The following TESK2 variants were observed in gnomAD, a reference collection of about 807,000 sequenced individuals.
The protein encoded by TESK2 is testis associated actin remodelling kinase 2.
Under a neutral mutation model 57.1 loss-of-function variants are expected in TESK2, and 39 were observed. The observed-to-expected ratio is 0.68, with a 90% CI of 0.53 to 0.89. TESK2 has a LOEUF of 0.89. Among genes scored for constraint, TESK2 ranks in the 40% least tolerant of loss-of-function variants. The pLI is 0.00. For synonymous variants in TESK2, 249 were observed against 267.9 expected (o/e 0.93, Z 0.69); for missense variants, 646 against 732.1 (o/e 0.88, Z 1.36).
intron 9 of TESK2, 77 bp downstream of exon 9, chr1:45,346,615 GC>G: frequency 8.1e-7 from 1 of 1,233,576 alleles, no homozygotes; most frequent in Non-Finnish European, 1.2e-6. Context: ...CTAATTAGCA[GC>G]CTCTCTGTAC....
intron 2 of TESK2, among the ~76,000 whole-genome samples, chr1:45,434,872 T>G (rs906514134): frequency 2.6e-5 from 4 of 152,216 alleles, no homozygotes; most frequent in African/African-American, 9.6e-5. Context: ...CGATTTTTGG[T>G]TTTGCTGCCT....
chr1:45,486,129 G>C (rs1162690709), intron 1 of TESK2, among the ~76,000 whole-genome samples: 1 of 152,136 alleles, frequency 6.6e-6, no homozygotes, highest in East Asian at 1.9e-4. Context: ...ACACTAGTGA[G>C]ACTACACTGA....
intron 1 of TESK2, among the ~76,000 whole-genome samples, chr1:45,474,867 C>A (rs1462904226): frequency 6.7e-6 from 1 of 150,232 alleles, no homozygotes; most frequent in Non-Finnish European, 1.5e-5. Context: ...TATGAAATAA[C>A]ACAAAACTAA....
intron 2 of TESK2, among the ~76,000 whole-genome samples, chr1:45,451,619 T>C (rs146680146): frequency 1.5e-4 from 23 of 152,288 alleles, no homozygotes; most frequent in African/African-American, 5.1e-4. Context: ...ACTGTGGAAA[T>C]TGTTCACATG....
rs377531824 is a variant in TESK2 at position 45,457,602 on chromosome 1, C to T, written c.184G>A (p.Glu62Lys). The change falls in exon 2 of 11, where the codon GAA (glutamate) becomes AAA (lysine). Residue 62 changes from glutamate to lysine, a missense_variant. Physicochemically the swap from Glu to Lys is moderately conservative, Grantham distance 56. Coordinates refer to ENST00000372086, the MANE Select transcript of TESK2 (RefSeq NM_007170.3). ...RLTRLDDFTC[E>K]KIGSGFFSEV... is the part of the protein sequence containing the mutation. ...GAAAAGAAGCCAGACCCTATTTTTT[C>T]ACAGGTGAAATCATCCAAACGCGTC... is the stretch of plus-strand genomic sequence containing the variant. 4.6e-5 allele frequency: 75 copies of T among 1,613,910 alleles called. No homozygotes were observed. The highest frequency in any genetic ancestry group is 6.0e-5 in the Non-Finnish European group (71 of 1,179,992).
At chr1:45,466,843 T>C (rs1046009752) in intron 1 of TESK2, among the ~76,000 whole-genome samples, 3 of 151,654 alleles carry the variant, frequency 2.0e-5, no homozygotes, top group Non-Finnish European at 4.4e-5. Flanking sequence ...AAAATGAAAA[T>C]AAAAACAGTG....
chr1:45,374,502 T>C (rs1247628767), intron 4 of TESK2, among the ~76,000 whole-genome samples: 2 of 151,918 alleles, frequency 1.3e-5, no homozygotes, highest in Admixed American at 6.6e-5. Flanking sequence ...TTAAATAATA[T>C]ATTGAGAGGG....
At position 45,458,318 on chromosome 1, in the gene TESK2, A is replaced by G. The variant is rs1182943459; in HGVS notation, c.-86-447T>C. ...AGTGGCTCACGCCTGTAATCCCAGC[A>G]CTTTGGGAGGCCAAGGCAGGCGGAT... On this transcript the variant is annotated intron_variant, in intron 1 of 10. Transcript: ENST00000372086. Among the ~76,000 whole-genome samples the G allele has an allele frequency of 2.0e-5, 3 of 152,240 alleles. No homozygotes were observed. The East Asian group carries it at 5.8e-4, about 29-fold the overall frequency.
At chr1:45,423,559 G>A (rs1450676960) in intron 2 of TESK2, among the ~76,000 whole-genome samples, 2 of 125,834 alleles carry the variant, frequency 1.6e-5, no homozygotes, top group African/African-American at 6.1e-5. Flanking sequence ...TCCGTCTCGC[G>A]AAAAAAAAAA....
At chr1:45,347,426 C>T (rs896601901) in intron 7 of TESK2, among the ~76,000 whole-genome samples, 183 bp downstream of exon 7, 13 of 152,012 alleles carry the variant, frequency 8.6e-5, no homozygotes, top group Admixed American at 2.0e-4. Context: ...ATTAGCTGGG[C>T]GTGGTGGTGC....
At chr1:45,448,722 C>T (rs955538927) in intron 2 of TESK2, among the ~76,000 whole-genome samples, 8 of 152,142 alleles carry the variant, frequency 5.3e-5, no homozygotes, top group African/African-American at 1.9e-4. Context: ...CCCACTAGGC[C>T]CCACCTTCAA....
intron 3 of TESK2, among the ~76,000 whole-genome samples, chr1:45,420,608 C>A (rs1235064757): frequency 6.8e-6 from 1 of 147,190 alleles, no homozygotes; most frequent in Non-Finnish European, 1.5e-5. Flanking sequence ...TGCTCTGTCA[C>A]CCTGGCTGGA....
chr1:45,455,653 G>A (rs1247707156), intron 2 of TESK2, among the ~76,000 whole-genome samples: 1 of 152,178 alleles, frequency 6.6e-6, no homozygotes, highest in Admixed American at 6.6e-5. Context: ...TGATGAGAAA[G>A]TTCTGGAAAA....
At chr1:45,418,095 A>C (rs1453633067) in intron 3 of TESK2, among the ~76,000 whole-genome samples, 1 of 152,216 alleles carries the variant, frequency 6.6e-6, no homozygotes, top group African/African-American at 2.4e-5. Context: ...CCAAAATGCT[A>C]ATACTAGTTT....
In TESK2 at chr1:45,449,450, G is replaced by C. The variant is rs143155900; in HGVS notation, c.222+8114C>G. Among the ~76,000 whole-genome samples the C allele has an allele frequency of 7.2e-5, 11 of 151,872 alleles. No individual in the cohort carries two copies. The East Asian group carries it at 2.1e-3, about 29-fold the overall frequency. ...GTCAACATATTGAAGCAACCAAGAT[G>C]TCCTTCAATAGGTGAGCAGATAAGC... On this transcript the variant is annotated intron_variant, in intron 2 of 10. Coordinates refer to ENST00000372086, the MANE Select transcript of TESK2 (RefSeq NM_007170.3).
chr1:45,462,407 G>A (rs1181787149), intron 1 of TESK2, among the ~76,000 whole-genome samples: 3 of 152,024 alleles, frequency 2.0e-5, no homozygotes, highest in Non-Finnish European at 4.4e-5. Flanking sequence ...CGAGTAGCTG[G>A]GACTACAGGC....
At chr1:45,362,296 G>T (rs9429160) in intron 4 of TESK2, among the ~76,000 whole-genome samples, 41,366 of 152,102 alleles carry the variant, frequency 0.27, 5,922 homozygotes, top group Admixed American at 0.4. Context: ...TATCCCTATA[G>T]GGTCTGGTAG....
At chr1:45,348,148 G>A (rs2153607) in intron 5 of TESK2, 148 bp from the exon 6 acceptor site, 192,827 of 646,330 alleles carry the variant, frequency 0.3, 33,549 homozygotes, top group African/African-American at 0.59. Flanking sequence ...CACTGGTCAG[G>A]TCAGGGGCTC....
At chr1:45,452,978 G>A (rs1475294446) in intron 2 of TESK2, among the ~76,000 whole-genome samples, 3 of 152,014 alleles carry the variant, frequency 2.0e-5, no homozygotes, top group East Asian at 1.9e-4. Context: ...CTTGAGTCCA[G>A]GAGGATGCAG....
Sources: allele counts gnomAD v4.1 joint callset (sites outside exome capture counted in the v4.1 genomes callset), GRCh38; gene constraint gnomAD v4.1.1; transcripts MANE v1.5; gene names NCBI Gene and HGNC (gene_info 2026-07-23, HGNC 2026-07-21).